The following GALNT7 variants were observed in gnomAD, a reference collection of about 807,000 sequenced individuals.
GALNT7 encodes the protein polypeptide N-acetylgalactosaminyltransferase 7.
GALNT7 carries 60 observed loss-of-function variants against 82.1 expected under a neutral mutation model. That is an observed-to-expected ratio of 0.73 (90% CI 0.59 to 0.91). The LOEUF is 0.91. GALNT7 is among the 40% of genes least tolerant of loss of function. The pLI is 0.00. For missense variants in GALNT7, 660 were observed against 804.2 expected, an observed-to-expected ratio of 0.82 and a Z score of 2.17; for synonymous variants, 243 against 275.1, an observed-to-expected ratio of 0.88 and a Z score of 1.15.
intron 1 of GALNT7, among the ~76,000 whole-genome samples, chr4:173,226,489 GAA>G (rs1187429568): frequency 1.6e-4 from 25 of 152,162 alleles, no homozygotes; most frequent in Non-Finnish European, 3.7e-4. Flanking sequence ...CAATGCAAGA[GAA>G]AGTCTTCATA....
At chr4:173,262,361 A>T (rs1189111794) in intron 2 of GALNT7, among the ~76,000 whole-genome samples, 1 of 152,200 alleles carries the variant, frequency 6.6e-6, no homozygotes, top group Non-Finnish European at 1.5e-5. Flanking sequence ...ATGATGCTGT[A>T]ATATCAGGAG....
intron 10 of GALNT7, 84 bp downstream of exon 10, chr4:173,317,816 G>A: frequency 1.2e-6 from 1 of 842,998 alleles, no homozygotes; most frequent in Non-Finnish European, 1.9e-6. Context: ...TTTGTACTTT[G>A]GTTTTCGATT....
intron 6 of GALNT7, among the ~76,000 whole-genome samples, chr4:173,298,782 T>C (rs972766258): frequency 6.6e-6 from 1 of 152,232 alleles, no homozygotes; most frequent in Admixed American, 6.5e-5. Context: ...TTTGCTGTTA[T>C]GTTAACTCTC....
intron 2 of GALNT7, among the ~76,000 whole-genome samples, chr4:173,252,642 T>C (rs377047077): frequency 6.6e-6 from 1 of 152,204 alleles, no homozygotes; most frequent in African/African-American, 2.4e-5. Flanking sequence ...GGCCTGCTTC[T>C]TTTTTAAAGA....
chr4:173,189,171 G>A (rs996234668), intron 1 of GALNT7, among the ~76,000 whole-genome samples: 1 of 152,082 alleles, frequency 6.6e-6, no homozygotes, highest in Admixed American at 6.6e-5. Flanking sequence ...TGATCTTGCG[G>A]TTATTTATCA....
chr4:173,306,220 A>G (rs1037237382), intron 8 of GALNT7, among the ~76,000 whole-genome samples: 5 of 152,270 alleles, frequency 3.3e-5, no homozygotes, highest in South Asian at 4.1e-4. Flanking sequence ...TGATTTTTCT[A>G]TGTTGATTTT....
chr4:173,216,727 A>ATATATATATATATATATATATTT (rs71244915), intron 1 of GALNT7, among the ~76,000 whole-genome samples: 3 of 12,978 alleles, frequency 2.3e-4, no homozygotes, highest in African/African-American at 8.4e-4. Context: ...ATATATATAT[A>ATATATATATATATATATATATTT]TTTTTTTTTT....
At chr4:173,205,950 G>A (rs1733079940) in intron 1 of GALNT7, among the ~76,000 whole-genome samples, 1 of 152,120 alleles carries the variant, frequency 6.6e-6, no homozygotes, top group Non-Finnish European at 1.5e-5. Flanking sequence ...CTAGCCTAGA[G>A]CCTGGGGCTG....
At chr4:173,184,171 G>A (rs1732387760) in intron 1 of GALNT7, among the ~76,000 whole-genome samples, 2 of 152,000 alleles carry the variant, frequency 1.3e-5, no homozygotes, top group Admixed American at 6.6e-5. Flanking sequence ...GCCAGGCAGA[G>A]ACGCTCCTCA....
chr4:173,314,078 G>T lies in GALNT7; in HGVS notation c.1510G>T (p.Asp504Tyr), dbSNP rs1160960198. 6.2e-7 allele frequency: 1 copy of T among 1,613,618 alleles called. No homozygotes were observed. Among genetic ancestry groups the T allele is most frequent in the South Asian group, 1.1e-5 (1 of 91,062 alleles). ...ATCGGAGCTGAAAAAATTTCGAGAA[G>T]ATCACAACTGCAAAAGTTTTAAGTG... ...DISELKKFRE[D>Y]HNCKSFKWFM... Residue 504 changes from aspartate (D) to tyrosine (Y), a missense_variant, in exon 9 of 12, where the codon GAT becomes TAT. Around this residue, in one of 2 missense-constraint regions of GALNT7, gnomAD observed 527 missense variants for 683.5 expected, o/e 0.77. Transcript: ENST00000265000.
intron 2 of GALNT7, among the ~76,000 whole-genome samples, chr4:173,262,992 CTT>C (rs1735337954): frequency 6.6e-6 from 1 of 152,122 alleles, no homozygotes; most frequent in South Asian, 2.1e-4. Context: ...TGAAGAATAA[CTT>C]AAATATGGGT....
chr4:173,255,438 A>C (rs1027025106), intron 2 of GALNT7, among the ~76,000 whole-genome samples: 1 of 152,196 alleles, frequency 6.6e-6, no homozygotes, highest in Non-Finnish European at 1.5e-5. Context: ...ATGCCTGATA[A>C]AAAGTTATAA....
At chr4:173,239,937 TC>T (rs954768221) in intron 1 of GALNT7, among the ~76,000 whole-genome samples, 1 of 152,156 alleles carries the variant, frequency 6.6e-6, no homozygotes, top group African/African-American at 2.4e-5. Flanking sequence ...ACTATATACT[TC>T]TGAGTAAATA....
At chr4:173,258,937 G>C (rs750465083) in intron 2 of GALNT7, among the ~76,000 whole-genome samples, 1 of 152,134 alleles carries the variant, frequency 6.6e-6, no homozygotes, top group Non-Finnish European at 1.5e-5. Context: ...TCACAATCTC[G>C]GCACTTGACA....
chr4:173,241,224 A>G, intron 1 of GALNT7, among the ~76,000 whole-genome samples: 1 of 16,526 alleles, frequency 6.1e-5, no homozygotes, highest in Non-Finnish European at 1.5e-4. Flanking sequence ...AAAAAAAAAA[A>G]AGAAAGAAAG....
intron 2 of GALNT7, among the ~76,000 whole-genome samples, chr4:173,277,558 A>G (rs1016470519): frequency 6.6e-6 from 1 of 152,176 alleles, no homozygotes; most frequent in African/African-American, 2.4e-5. Flanking sequence ...ATGACGTCAC[A>G]TGGTTGCTTT....
chr4:173,185,474 T>A (rs896215891), intron 1 of GALNT7, among the ~76,000 whole-genome samples: 5 of 152,180 alleles, frequency 3.3e-5, no homozygotes, highest in African/African-American at 1.2e-4. Flanking sequence ...AATTTAGGGT[T>A]TTAATTACTA....
rs1578927299 is a variant in GALNT7 at position 173,321,368 on chromosome 4, G to A, written c.1837-212G>A. ...GTGTGAGATACCAGCAGTATATTGT[G>A]ACTTAACAATGAAAGATCTTAGGAC... On this transcript the variant is annotated intron_variant, in intron 11 of 11. Coordinates refer to ENST00000265000, the MANE Select transcript of GALNT7 (RefSeq NM_017423.3). Among the ~76,000 whole-genome samples the A allele has an allele frequency of 2.0e-5, 3 of 152,200 alleles. No individual in the cohort carries two copies. In the South Asian group the frequency reaches 6.2e-4, roughly 32 times the overall value.
At chr4:173,195,751 A>G (rs890542895) in intron 1 of GALNT7, among the ~76,000 whole-genome samples, 2 of 152,212 alleles carry the variant, frequency 1.3e-5, no homozygotes, top group African/African-American at 4.8e-5. Flanking sequence ...TGAGACAGGT[A>G]AAGGAATTTA....
Sources: allele counts gnomAD v4.1 joint callset (sites outside exome capture counted in the v4.1 genomes callset), GRCh38; gene constraint gnomAD v4.1.1; regional missense constraint gnomAD v4.1.1; transcripts MANE v1.5; gene names NCBI Gene and HGNC (gene_info 2026-07-23, HGNC 2026-07-21).